Variants in CRIM1 observed in about 807,000 individuals in gnomAD.
CRIM1 encodes cysteine-rich motor neuron 1 protein.
CRIM1 carries 32 observed loss-of-function variants against 116.4 expected under a neutral mutation model. The ratio of observed to expected loss-of-function variants is 0.27; its 90% CI spans 0.21 to 0.37. The LOEUF is 0.37. Among genes scored for constraint, CRIM1 ranks in the 10% least tolerant of loss-of-function variants. CRIM1 has a pLI of 1.00. For missense variants in CRIM1, 1,331 were observed against 1,354.8 expected (o/e 0.98, Z 0.28); for synonymous variants, 590 against 509.2 (o/e 1.16, Z -2.13).
chr2:36,440,285 G>A (rs1675700688), intron 2 of CRIM1, among the ~76,000 whole-genome samples: 1 of 152,124 alleles, frequency 6.6e-6, no homozygotes, highest in Non-Finnish European at 1.5e-5. Context: ...TCTGTGTTTG[G>A]GTTTTACTTT....
Position 36,528,309 on chromosome 2 carries a change from C to T in CRIM1, c.2428+5996C>T, listed in dbSNP as rs1202258715. Among the ~76,000 whole-genome samples, 3 of 152,200 alleles carry T rather than the reference C, an allele frequency of 2.0e-5. No individual in the cohort carries two copies. The East Asian group carries it at 5.8e-4, about 29-fold the overall frequency. The stretch of plus-strand genomic sequence containing the variant: ...TAGATAATGCTTTGGCAGTGTACCT[C>T]ATCCTGCCTGCTCCCATCTTAAAAA... On this transcript the variant is annotated intron_variant, in intron 13 of 16. Coordinates refer to ENST00000280527, the MANE Select transcript of CRIM1 (RefSeq NM_016441.3).
chr2:36,495,765 C>A (rs1280761169), intron 7 of CRIM1, among the ~76,000 whole-genome samples: 1 of 152,038 alleles, frequency 6.6e-6, no homozygotes, highest in African/African-American at 2.4e-5. Context: ...ATTGCCCTGA[C>A]ATTAGTAATA....
intron 15 of CRIM1, among the ~76,000 whole-genome samples, chr2:36,546,153 TTAAC>T (rs1167551969): frequency 3.3e-5 from 5 of 152,190 alleles, no homozygotes; most frequent in African/African-American, 9.6e-5. Flanking sequence ...TCATGTGTCT[TTAAC>T]TAAATTGATT....
At chr2:36,456,685 G>A (rs1343983112) in intron 4 of CRIM1, among the ~76,000 whole-genome samples, 2 of 152,172 alleles carry the variant, frequency 1.3e-5, no homozygotes, top group South Asian at 4.1e-4. Flanking sequence ...GGACTGAGTG[G>A]CCCAGGATTT....
At chr2:36,365,457 G>A (rs78661713) in intron 1 of CRIM1, among the ~76,000 whole-genome samples, 5,746 of 152,258 alleles carry the variant, frequency 0.038, 137 homozygotes, top group South Asian at 0.069. Context: ...AAGCCTAGCC[G>A]ATTCAGAGAC....
At chr2:36,500,247 C>T (rs1469796667) in intron 8 of CRIM1, among the ~76,000 whole-genome samples, 2 of 152,126 alleles carry the variant, frequency 1.3e-5, no homozygotes, top group Non-Finnish European at 2.9e-5. Flanking sequence ...GGGAGGATCG[C>T]TTGAGCCTGG....
chr2:36,532,912 A>C (rs900049906), intron 13 of CRIM1, among the ~76,000 whole-genome samples: 1 of 152,254 alleles, frequency 6.6e-6, no homozygotes, highest in African/African-American at 2.4e-5. Context: ...GATTATTATT[A>C]GGTATCAAAG....
At position 36,550,349 on chromosome 2, in the gene CRIM1, G is replaced by C. The variant is rs992404405; in HGVS notation, c.*1648G>C. ...AATATAACTGACTGTATACTATAGT[G>C]GTAACTTTTCAAACAGCCCTTAGCA... is the stretch of plus-strand genomic sequence containing the variant. On this transcript the variant is annotated 3_prime_UTR_variant, in exon 17 of 17. Transcript: ENST00000280527. 4.6e-5 allele frequency: 7 copies of C among 151,626 alleles called. No homozygotes were observed. Among genetic ancestry groups the C allele is most frequent in the Non-Finnish European group, 8.8e-5 (6 of 67,902 alleles). 9.4% of individuals were successfully genotyped at this position (151,626 alleles called of 1,614,324 possible). A position where few individuals can be genotyped will look rare whatever the true frequency, so the allele number is the denominator to read the frequency against.
chr2:36,513,837 G>T, intron 11 of CRIM1, 72 bp downstream of exon 11: 1 of 1,390,324 alleles, frequency 7.2e-7, no homozygotes. Context: ...AGACACATTT[G>T]TAACTCTGGG....
intron 7 of CRIM1, among the ~76,000 whole-genome samples, chr2:36,489,815 C>T (rs1680094139): frequency 6.6e-6 from 1 of 152,172 alleles, no homozygotes; most frequent in Non-Finnish European, 1.5e-5. Context: ...AGAGGAAGAA[C>T]AGGGGCCAGG....
intron 2 of CRIM1, among the ~76,000 whole-genome samples, chr2:36,417,574 T>G (rs2124840068): frequency 6.6e-6 from 1 of 152,328 alleles, no homozygotes; most frequent in South Asian, 2.1e-4. Flanking sequence ...TTTGGGATCC[T>G]TGTAGGATCT....
intron 14 of CRIM1, among the ~76,000 whole-genome samples, chr2:36,538,298 G>T (rs984054648): frequency 6.6e-5 from 10 of 151,992 alleles, no homozygotes; most frequent in African/African-American, 2.4e-4. Flanking sequence ...TCTAATCCCA[G>T]AAATGTAAGA....
At chr2:36,499,190 T>C in intron 7 of CRIM1, 29 bp from the exon 8 acceptor site, 2 of 1,564,746 alleles carry the variant, frequency 1.3e-6, no homozygotes, top group Non-Finnish European at 1.8e-6. Flanking sequence ...TATGTTTCAT[T>C]GGTTATTTTT....
Position 36,356,664 on chromosome 2 carries a change from G to T in CRIM1, c.331+41G>T. The T allele has an allele frequency of 6.4e-7, 1 of 1,560,116 alleles. No homozygotes were observed. The highest frequency in any genetic ancestry group is 8.7e-7 in the Non-Finnish European group (1 of 1,152,682). On this transcript the variant is annotated intron_variant, in intron 1 of 16. Coordinates refer to ENST00000280527, the MANE Select transcript of CRIM1 (RefSeq NM_016441.3). This position sits in a 1 kb window ranked among gnomAD's most constrained non-coding sequence, Gnocchi z 4.3. ...GCGGGCCCCCTCCCACCTGGCCTGC[G>T]CCGCCCCCTCGGCGCTGGTTGTGCC...
At chr2:36,424,419 G>A (rs758449735) in intron 2 of CRIM1, among the ~76,000 whole-genome samples, 3 of 152,164 alleles carry the variant, frequency 2.0e-5, no homozygotes, top group South Asian at 2.1e-4. Flanking sequence ...TAAATGTTGG[G>A]TGGTAGGTGG....
intron 1 of CRIM1, among the ~76,000 whole-genome samples, chr2:36,376,467 G>A (rs1670327250): frequency 1.3e-5 from 2 of 152,332 alleles, no homozygotes; most frequent in South Asian, 2.1e-4. Context: ...GGGCCAACTC[G>A]CATGAGCGGG....
chr2:36,424,412 A>G (rs1400105640), intron 2 of CRIM1, among the ~76,000 whole-genome samples: 5 of 152,134 alleles, frequency 3.3e-5, no homozygotes, highest in Non-Finnish European at 7.4e-5. Flanking sequence ...TGCTCAGTAA[A>G]TGTTGGGTGG....
chr2:36,414,210 A>G (rs537552734), intron 2 of CRIM1, among the ~76,000 whole-genome samples: 1 of 152,304 alleles, frequency 6.6e-6, no homozygotes, highest in Non-Finnish European at 1.5e-5. Context: ...TGACATGGAA[A>G]TATTAGGAAG....
At chr2:36,412,486 C>G (rs1048412350) in intron 2 of CRIM1, among the ~76,000 whole-genome samples, 1 of 151,944 alleles carries the variant, frequency 6.6e-6, no homozygotes, top group African/African-American at 2.4e-5. Context: ...AAATATTTGC[C>G]ACATCTGACA....
Sources: allele counts gnomAD v4.1 joint callset (sites outside exome capture counted in the v4.1 genomes callset), GRCh38; gene constraint gnomAD v4.1.1; non-coding constraint Gnocchi (gnomAD v3.1); transcripts MANE v1.5; gene names NCBI Gene and HGNC (gene_info 2026-07-23, HGNC 2026-07-21).